The following SORCS1 variants were observed in gnomAD, a reference collection of about 807,000 sequenced individuals.
SORCS1 encodes sortilin related VPS10 domain containing receptor 1.
Under a neutral mutation model 146.1 loss-of-function variants are expected in SORCS1, and 60 were observed. That is an observed-to-expected ratio of 0.41 (90% confidence interval 0.33 to 0.51). SORCS1 has a LOEUF of 0.51. Among genes scored for constraint, SORCS1 ranks in the 20% least tolerant of loss-of-function variants. SORCS1 has a pLI of 0.21. For synonymous variants in SORCS1, 637 were observed against 584.0 expected (o/e 1.09, Z -1.31); for missense variants, 1,352 against 1,487.6 (o/e 0.91, Z 1.50).
rs374412857 is a variant in SORCS1 at position 107,164,231 on chromosome 10, A to C, written c.296T>G (p.Met99Arg). ...LERARGTGAS[M>R]AVAARSGRRR... ...CCGGCCGGAGCGTGCAGCAACCGCCATGGATGCCCCAGTGCCCCGAGCCCG... is the reference window on the plus strand; with the variant it reads ...CCGGCCGGAGCGTGCAGCAACCGCCCTGGATGCCCCAGTGCCCCGAGCCCG... The change falls in exon 1 of 26, where the codon ATG (methionine) becomes AGG (arginine). Residue 99 changes from methionine (M) to arginine (R), a missense_variant. By Grantham distance (91) the Met-to-Arg change is moderately conservative. Coordinates refer to ENST00000263054, the MANE Select transcript of SORCS1 (RefSeq NM_052918.5). The surrounding 1 kb of genome is among the most constrained non-coding windows in gnomAD (Gnocchi z 6.8). 1 of 1,607,750 alleles carries C rather than the reference A, an allele frequency of 6.2e-7. No homozygotes were observed. The highest frequency in any genetic ancestry group is 1.7e-5 in the Admixed American group (1 of 59,986).
At chr10:106,735,970 T>A (rs191829604) in intron 5 of SORCS1, among the ~76,000 whole-genome samples, 152 of 152,290 alleles carry the variant, frequency 1.0e-3, no homozygotes, top group Middle Eastern at 6.8e-3. Context: ...ACTTCCAGTA[T>A]CTTAAGTAGG....
chr10:106,638,379 C>T (rs1848854700), intron 18 of SORCS1, among the ~76,000 whole-genome samples: 1 of 151,338 alleles, frequency 6.6e-6, no homozygotes, highest in South Asian at 2.1e-4. Flanking sequence ...AATATGTTAG[C>T]TTTATTAGAA....
intron 2 of SORCS1, among the ~76,000 whole-genome samples, chr10:106,914,003 G>T (rs1025439845): frequency 6.6e-6 from 1 of 152,174 alleles, no homozygotes; most frequent in African/African-American, 2.4e-5. Flanking sequence ...CACACATCCA[G>T]CCAGTGGGAA....
intron 2 of SORCS1, among the ~76,000 whole-genome samples, chr10:106,912,717 C>T (rs1952224939): frequency 6.6e-6 from 1 of 152,082 alleles, no homozygotes; most frequent in East Asian, 1.9e-4. Flanking sequence ...CTCATTCTGT[C>T]GCCCAGGCTG....
rs113399978 is a variant in SORCS1 at position 106,596,699 on chromosome 10, A to G, written c.3265+652T>C. On this transcript the variant is annotated intron_variant, in intron 24 of 25. Transcript: ENST00000263054. The stretch of plus-strand genomic sequence containing the variant: ...ACATTATCCTGAAACGTAAAGAAAG[A>G]AAATTCTTTGTAATATGAATATGTT... 2.6e-3 allele frequency among the ~76,000 whole-genome samples: 400 copies of G among 152,328 alleles called. 1 individual carries two copies. The highest frequency in any genetic ancestry group is 8.9e-3 in the African/African-American group (372 of 41,570).
At chr10:106,777,000 C>T (rs1860487178) in intron 3 of SORCS1, among the ~76,000 whole-genome samples, 2 of 152,178 alleles carry the variant, frequency 1.3e-5, no homozygotes, top group Admixed American at 1.3e-4. Flanking sequence ...GAACCTGGAA[C>T]ACTTACCCTT....
At chr10:106,698,990 C>T (rs1240462878) in intron 9 of SORCS1, among the ~76,000 whole-genome samples, 1 of 152,180 alleles carries the variant, frequency 6.6e-6, no homozygotes, top group African/African-American at 2.4e-5. Flanking sequence ...CCTTCATGTC[C>T]TATGGAGTTT....
intron 1 of SORCS1, among the ~76,000 whole-genome samples, chr10:107,025,852 A>T (rs532392478): frequency 1.3e-5 from 2 of 152,200 alleles, no homozygotes; most frequent in African/African-American, 4.8e-5. Flanking sequence ...AGCAAGCGTG[A>T]GAGCCCACAA....
At chr10:106,855,505 G>A (rs971198540) in intron 2 of SORCS1, among the ~76,000 whole-genome samples, 1 of 151,916 alleles carries the variant, frequency 6.6e-6, no homozygotes, top group African/African-American at 2.4e-5. Context: ...TTTCCCTTCT[G>A]TTATTCCCAC....
chr10:106,862,489 C>T (rs1266489007), intron 2 of SORCS1, among the ~76,000 whole-genome samples: 2 of 152,102 alleles, frequency 1.3e-5, no homozygotes, highest in East Asian at 3.9e-4. Context: ...CATCTCTCTT[C>T]AATGTTTTTT....
chr10:106,725,991 G>A (rs946030602), intron 6 of SORCS1, among the ~76,000 whole-genome samples: 3 of 151,034 alleles, frequency 2.0e-5, no homozygotes, highest in East Asian at 1.9e-4. Context: ...TATGAAATTC[G>A]TAGTGCAGCT....
At chr10:106,871,569 G>C (rs1950407746) in intron 2 of SORCS1, among the ~76,000 whole-genome samples, 1 of 152,150 alleles carries the variant, frequency 6.6e-6, no homozygotes, top group Admixed American at 6.5e-5. Context: ...CCATCAAAAA[G>C]GACAAGATCA....
chr10:107,020,142 C>T (rs927657250), intron 1 of SORCS1, among the ~76,000 whole-genome samples: 1 of 152,174 alleles, frequency 6.6e-6, no homozygotes, highest in African/African-American at 2.4e-5. Flanking sequence ...TGTGCCCAGA[C>T]AAGAATGATA....
chr10:106,790,726 G>A (rs146763560), intron 3 of SORCS1, among the ~76,000 whole-genome samples: 1,945 of 152,262 alleles, frequency 0.013, 21 homozygotes, highest in African/African-American at 0.026. Flanking sequence ...CAGAATAAAA[G>A]AATGAAGACA....
chr10:107,040,882 A>G (rs922796099), intron 1 of SORCS1, among the ~76,000 whole-genome samples: 5 of 152,168 alleles, frequency 3.3e-5, no homozygotes, highest in Non-Finnish European at 7.3e-5. Context: ...CAGCAGATGT[A>G]TCTCCTGGTA....
At position 106,577,568 on chromosome 10, in the gene SORCS1, G is replaced by A. The variant is rs756081227; in HGVS notation, c.3372-13C>T. ...TAAAGCTACTCTCCTAAGAGAAAAC[G>A]TGTAACACTTACTCATTTAATGACA... On this transcript the variant is annotated splice_polypyrimidine_tract_variant and intron_variant, in intron 25 of 25. Transcript: ENST00000263054. The A allele has an allele frequency of 1.9e-6, 3 of 1,610,344 alleles. No homozygotes were observed. Among genetic ancestry groups the A allele is most frequent in the Non-Finnish European group, 1.7e-6 (2 of 1,177,756 alleles).
At chr10:106,908,079 C>G (rs927744977) in intron 2 of SORCS1, among the ~76,000 whole-genome samples, 1 of 152,122 alleles carries the variant, frequency 6.6e-6, no homozygotes, top group African/African-American at 2.4e-5. Flanking sequence ...GGGTAGAGAT[C>G]TCTCTATACA....
At chr10:106,619,417 G>T (rs1168234721) in intron 20 of SORCS1, among the ~76,000 whole-genome samples, 1 of 152,202 alleles carries the variant, frequency 6.6e-6, no homozygotes, top group African/African-American at 2.4e-5. Flanking sequence ...CCAAGTTTCA[G>T]CTCCAGAGCA....
At chr10:107,097,283 T>C (rs527934673) in intron 1 of SORCS1, among the ~76,000 whole-genome samples, 2 of 152,360 alleles carry the variant, frequency 1.3e-5, no homozygotes, top group South Asian at 4.1e-4. Context: ...GAATCAGAAA[T>C]CTTTCATCTG....
Sources: allele counts gnomAD v4.1 joint callset (sites outside exome capture counted in the v4.1 genomes callset), GRCh38; gene constraint gnomAD v4.1.1; non-coding constraint Gnocchi (gnomAD v3.1); transcripts MANE v1.5; gene names NCBI Gene and HGNC (gene_info 2026-07-23, HGNC 2026-07-21).